The following PTPRA variants were observed in gnomAD, a reference collection of about 807,000 sequenced individuals.
PTPRA encodes protein tyrosine phosphatase receptor type A.
Under a neutral mutation model 104.8 loss-of-function variants are expected in PTPRA, and 25 were observed. The ratio of observed to expected loss-of-function variants is 0.24; its 90% CI spans 0.17 to 0.33. The LOEUF (loss-of-function observed/expected upper bound fraction) is 0.33, where lower values mean the gene tolerates loss of function less well. Among genes scored for constraint, PTPRA ranks in the 10% least tolerant of loss-of-function variants. The pLI is 1.00. For missense variants in PTPRA, 765 were observed against 1,015.3 expected (o/e 0.75, Z 3.35); for synonymous variants, 323 against 368.9 (o/e 0.88, Z 1.43).
chr20:2,871,260 A>G (rs1371811277), upstream of PTPRA, among the ~76,000 whole-genome samples: 1 of 152,150 alleles, frequency 6.6e-6, no homozygotes, highest in Non-Finnish European at 1.5e-5. Flanking sequence ...GAACATGCCT[A>G]ATTCTCAATA....
At chr20:3,030,872 G>T (rs12480076) in intron 20 of PTPRA, among the ~76,000 whole-genome samples, 5,029 of 151,762 alleles carry the variant, frequency 0.033, 132 homozygotes, top group Admixed American at 0.076. Context: ...TAGAGACAGG[G>T]TTTCGTCATG....
At chr20:2,876,850 A>G (rs2089750841) in intron 1 of PTPRA, among the ~76,000 whole-genome samples, 1 of 152,194 alleles carries the variant, frequency 6.6e-6, no homozygotes, top group South Asian at 2.1e-4. Context: ...AGGATCAACT[A>G]CGATGCTTTT....
chr20:2,905,157 C>T (rs1050926293), intron 1 of PTPRA, among the ~76,000 whole-genome samples: 1 of 152,178 alleles, frequency 6.6e-6, no homozygotes, highest in Admixed American at 6.5e-5. Context: ...AATCTAATGC[C>T]TGATGATCTG....
At chr20:2,965,567 G>A (rs544591958) in intron 5 of PTPRA, among the ~76,000 whole-genome samples, 11 of 151,722 alleles carry the variant, frequency 7.3e-5, no homozygotes, top group South Asian at 6.3e-4. Context: ...GGAGGGATCC[G>A]TGGAGACCAT....
At chr20:2,909,620 TTGTC>T (rs1295055674) in intron 1 of PTPRA, among the ~76,000 whole-genome samples, 1 of 150,972 alleles carries the variant, frequency 6.6e-6, no homozygotes, top group African/African-American at 2.4e-5. Context: ...CTACAAAAGA[TTGTC>T]TGAAGCCAGC....
chr20:2,994,721 G>A (rs941166415), intron 9 of PTPRA, among the ~76,000 whole-genome samples: 1 of 152,184 alleles, frequency 6.6e-6, no homozygotes, highest in Admixed American at 6.5e-5. Flanking sequence ...ACTAAATCCA[G>A]CATTCAGTCC....
chr20:2,925,003 G>A (rs545620889), intron 2 of PTPRA, among the ~76,000 whole-genome samples: 7 of 152,120 alleles, frequency 4.6e-5, no homozygotes, highest in Admixed American at 3.9e-4. Context: ...ATCTTAATGT[G>A]TTCATATACA....
At chr20:2,883,007 T>G (rs73084645) in intron 1 of PTPRA, among the ~76,000 whole-genome samples, 8,706 of 139,498 alleles carry the variant, frequency 0.062, 364 homozygotes, top group Non-Finnish European at 0.095. Flanking sequence ...TTGAGACAGG[T>G]TCTCACTCTG....
intron 9 of PTPRA, among the ~76,000 whole-genome samples, chr20:2,991,571 A>C (rs1383145040): frequency 6.6e-6 from 1 of 152,182 alleles, no homozygotes; most frequent in Middle Eastern, 3.2e-3. Context: ...TTACATAAGC[A>C]TGAAACGAAT....
intron 2 of PTPRA, among the ~76,000 whole-genome samples, chr20:2,937,127 CTT>C (rs5839977): frequency 5.1e-5 from 7 of 136,916 alleles, no homozygotes; most frequent in East Asian, 2.1e-4. Flanking sequence ...CTTTCTTCTT[CTT>C]TTTTTTTTTT....
intron 1 of PTPRA, among the ~76,000 whole-genome samples, chr20:2,908,852 AAAT>A (rs1287093308): frequency 2.0e-5 from 3 of 152,258 alleles, no homozygotes; most frequent in African/African-American, 4.8e-5. Context: ...TAAAATGTCA[AAAT>A]AATAACGACT....
intron 2 of PTPRA, among the ~76,000 whole-genome samples, chr20:2,929,932 A>G (rs2060449185): frequency 6.6e-6 from 1 of 152,220 alleles, no homozygotes; most frequent in African/African-American, 2.4e-5. Context: ...TTGTACACGC[A>G]GACATCAGAA....
At chr20:3,019,613 C>T (rs1648097777) in intron 13 of PTPRA, among the ~76,000 whole-genome samples, 1 of 151,474 alleles carries the variant, frequency 6.6e-6, no homozygotes, top group African/African-American at 2.4e-5. Context: ...CAGAGGGGCT[C>T]CTCACATCCC....
intron 1 of PTPRA, among the ~76,000 whole-genome samples, chr20:2,922,523 A>G (rs1374722600): frequency 6.6e-6 from 1 of 152,074 alleles, no homozygotes; most frequent in Admixed American, 6.5e-5. Flanking sequence ...TATTTTTGGT[A>G]GAGACGGGGT....
chr20:2,936,707 A>G (rs988401921), intron 2 of PTPRA, among the ~76,000 whole-genome samples: 1 of 152,150 alleles, frequency 6.6e-6, no homozygotes, highest in African/African-American at 2.4e-5. Flanking sequence ...TCTTGGGCTG[A>G]AGTGATCCAC....
chr20:2,901,974 C>T (rs2059255667), intron 1 of PTPRA, among the ~76,000 whole-genome samples: 2 of 152,006 alleles, frequency 1.3e-5, no homozygotes, highest in Admixed American at 6.6e-5. Flanking sequence ...CAACCTCTGC[C>T]TCCCAGGTTC....
In PTPRA at chr20:2,981,865, G is replaced by A. The variant is rs554065876; in HGVS notation, c.443-4900G>A. Among the ~76,000 whole-genome samples, 16 of 152,232 alleles carry A rather than the reference G, an allele frequency of 1.1e-4. No homozygotes were observed. In the South Asian group the frequency reaches 3.1e-3, roughly 30 times the overall value. The stretch of plus-strand genomic sequence containing the variant: ...TTTCAGCTGGAGGCTCTTTGGCTCT[G>A]TTTGATCTCTTGGACATCGAGTCTG... On this transcript the variant is annotated intron_variant, in intron 6 of 23. Coordinates refer to ENST00000399903, the MANE Select transcript of PTPRA (RefSeq NM_001385305.1).
At chr20:2,972,410 C>G (rs1240304707) in intron 5 of PTPRA, among the ~76,000 whole-genome samples, 1 of 152,110 alleles carries the variant, frequency 6.6e-6, no homozygotes, top group African/African-American at 2.4e-5. Flanking sequence ...CACTGTGTTG[C>G]CCAGACTGGT....
chr20:2,983,308 G>A (rs1269413567), intron 6 of PTPRA, among the ~76,000 whole-genome samples: 1 of 152,186 alleles, frequency 6.6e-6, no homozygotes, highest in Non-Finnish European at 1.5e-5. Flanking sequence ...AATTGAGTGA[G>A]CAAGGAAAGA....
Sources: allele counts gnomAD v4.1 joint callset (sites outside exome capture counted in the v4.1 genomes callset), GRCh38; gene constraint gnomAD v4.1.1; transcripts MANE v1.5; gene names NCBI Gene and HGNC (gene_info 2026-07-23, HGNC 2026-07-21).